WWOX: variants seen among roughly 807,000 people sequenced by gnomAD.
The protein encoded by WWOX is WW domain-containing oxidoreductase.
WWOX carries 69 observed loss-of-function variants against 46.2 expected under a neutral mutation model. The observed-to-expected ratio is 1.49, with a 90% CI of 1.23 to 1.82. WWOX has a LOEUF of 1.82. Among genes scored for constraint, WWOX ranks in the 40% most tolerant of loss-of-function variants. WWOX has a pLI of 0.00. For missense variants in WWOX, 919 were observed against 542.6 expected, an observed-to-expected ratio of 1.69 and a Z score of -6.89; for synonymous variants, 359 against 202.6, an observed-to-expected ratio of 1.77 and a Z score of -6.56.
At chr16:78,545,683 A>G (rs2151534241) in intron 8 of WWOX, among the ~76,000 whole-genome samples, 1 of 152,324 alleles carries the variant, frequency 6.6e-6, no homozygotes, top group African/African-American at 2.4e-5. Context: ...ACATGACAAA[A>G]TACCACCCAC....
Position 78,923,735 on chromosome 16 carries a change from G to A in WWOX, c.1057-287873G>A, listed in dbSNP as rs189115383. Among the ~76,000 whole-genome samples the A allele has an allele frequency of 4.5e-3, 630 of 138,876 alleles. 2 individuals are homozygous for A. Among genetic ancestry groups the A allele is most frequent in the African/African-American group, 0.015 (605 of 40,134 alleles). The allele number at this position is 138,876 out of a possible 152,430, so 91.1% of individuals were successfully genotyped here. The stretch of plus-strand genomic sequence containing the variant: ...TTTATCTGCCTTGGAAATGTCAAAA[G>A]GATTCACAAGTTTCACAAGTGATGA... On this transcript the variant is annotated intron_variant, in intron 8 of 8. Transcript: ENST00000566780.
chr16:78,180,891 A>G (rs927760875), intron 5 of WWOX, among the ~76,000 whole-genome samples: 1 of 152,156 alleles, frequency 6.6e-6, no homozygotes, highest in Non-Finnish European at 1.5e-5. Context: ...ATCGAGAGAG[A>G]GAAGGTTGAT....
At chr16:78,660,362 T>C (rs767162225) in intron 8 of WWOX, among the ~76,000 whole-genome samples, 3 of 152,120 alleles carry the variant, frequency 2.0e-5, no homozygotes, top group Non-Finnish European at 2.9e-5. Context: ...TGTTGTGGGC[T>C]TGGGGAAACA....
chr16:78,424,412 G>A (rs940873535), intron 6 of WWOX, among the ~76,000 whole-genome samples: 13 of 152,130 alleles, frequency 8.5e-5, no homozygotes, highest in Admixed American at 1.3e-4. Context: ...GAGCCCCCGC[G>A]CCTGGCCCTG....
chr16:79,094,143 A>C (rs934545919), intron 8 of WWOX, among the ~76,000 whole-genome samples: 1 of 152,242 alleles, frequency 6.6e-6, no homozygotes, highest in Non-Finnish European at 1.5e-5. Flanking sequence ...CCTCATTTAC[A>C]AACAACTGTG....
intron 8 of WWOX, among the ~76,000 whole-genome samples, chr16:78,483,271 G>A (rs2151450063): frequency 6.6e-6 from 1 of 152,244 alleles, no homozygotes; most frequent in Non-Finnish European, 1.5e-5. Flanking sequence ...TTACTCTCAA[G>A]AAAGTTGCAT....
At chr16:78,665,439 C>T (rs2047308228) in intron 8 of WWOX, among the ~76,000 whole-genome samples, 1 of 152,106 alleles carries the variant, frequency 6.6e-6, no homozygotes, top group South Asian at 2.1e-4. Context: ...CATCTGGGCA[C>T]ATGGGAAGGC....
intron 8 of WWOX, among the ~76,000 whole-genome samples, chr16:78,454,560 C>T (rs911718848): frequency 6.6e-6 from 1 of 152,162 alleles, no homozygotes; most frequent in African/African-American, 2.4e-5. Flanking sequence ...GGCTGCAGTG[C>T]AATGGCACGA....
At chr16:79,011,718 C>G (rs1009237631) in intron 8 of WWOX, among the ~76,000 whole-genome samples, 1 of 151,958 alleles carries the variant, frequency 6.6e-6, no homozygotes, top group African/African-American at 2.4e-5. Flanking sequence ...GTCTCAAACT[C>G]CTGGGCTCAA....
intron 8 of WWOX, among the ~76,000 whole-genome samples, chr16:78,692,091 A>T (rs985217594): frequency 5.9e-5 from 9 of 152,318 alleles, no homozygotes; most frequent in Admixed American, 5.2e-4. Flanking sequence ...AAGTCCAGTT[A>T]AACCTCTTTT....
intron 5 of WWOX, among the ~76,000 whole-genome samples, chr16:78,273,923 G>T (rs543992045): frequency 1.3e-5 from 2 of 152,312 alleles, no homozygotes; most frequent in South Asian, 4.1e-4. Context: ...CCTGGATTTA[G>T]ATCTGGCACT....
At chr16:78,384,481 G>T (rs2082020213) in intron 5 of WWOX, among the ~76,000 whole-genome samples, 2 of 152,056 alleles carry the variant, frequency 1.3e-5, no homozygotes, top group Non-Finnish European at 2.9e-5. Flanking sequence ...GCTTATGAGG[G>T]TTCTGCTCCT....
At chr16:78,372,401 A>T (rs1483692674) in intron 5 of WWOX, among the ~76,000 whole-genome samples, 1 of 152,300 alleles carries the variant, frequency 6.6e-6, no homozygotes, top group South Asian at 2.1e-4. Context: ...TGGAGTAGAG[A>T]CAGAATATCA....
At chr16:78,225,428 T>C (rs958735207) in intron 5 of WWOX, among the ~76,000 whole-genome samples, 6 of 152,210 alleles carry the variant, frequency 3.9e-5, no homozygotes, top group Non-Finnish European at 7.3e-5. Context: ...TAATTTTTGT[T>C]TTACTTTTGT....
intron 6 of WWOX, among the ~76,000 whole-genome samples, chr16:78,403,496 AT>A (rs2151945198): frequency 6.6e-6 from 1 of 152,264 alleles, no homozygotes; most frequent in African/African-American, 2.4e-5. Context: ...TATAATGTTA[AT>A]TTGTAGCAAT....
intron 8 of WWOX, among the ~76,000 whole-genome samples, chr16:78,717,765 A>G (rs543726891): frequency 6.6e-6 from 1 of 152,304 alleles, no homozygotes; most frequent in East Asian, 1.9e-4. Flanking sequence ...ATCGAGGATT[A>G]GGATGGAGGT....
chr16:78,668,432 C>G (rs1307444194), intron 8 of WWOX, among the ~76,000 whole-genome samples: 1 of 152,170 alleles, frequency 6.6e-6, no homozygotes, highest in Non-Finnish European at 1.5e-5. Flanking sequence ...AATGACATTC[C>G]AAGATTCCAT....
chr16:78,131,308 G>A (rs1047108095), intron 4 of WWOX, among the ~76,000 whole-genome samples: 1 of 152,136 alleles, frequency 6.6e-6, no homozygotes, highest in Non-Finnish European at 1.5e-5. Context: ...TCCCTCCTGG[G>A]CCAAGTGATC....
chr16:78,469,815 C>T (rs1384524755), intron 8 of WWOX, among the ~76,000 whole-genome samples: 2 of 152,170 alleles, frequency 1.3e-5, no homozygotes, highest in African/African-American at 2.4e-5. Context: ...GCCACAGGGC[C>T]AAGTGACACC....
Sources: allele counts gnomAD v4.1 joint callset (sites outside exome capture counted in the v4.1 genomes callset), GRCh38; gene constraint gnomAD v4.1.1; transcripts MANE v1.5; gene names NCBI Gene and HGNC (gene_info 2026-07-23, HGNC 2026-07-21).